Variants in AUTS2 observed in about 807,000 individuals in gnomAD.
AUTS2 encodes activator of transcription and developmental regulator AUTS2.
AUTS2 carries 17 observed loss-of-function variants against 112.4 expected under a neutral mutation model. The ratio of observed to expected loss-of-function variants is 0.15; its 90% CI spans 0.10 to 0.23. The LOEUF (loss-of-function observed/expected upper bound fraction) is 0.23, where lower values mean the gene tolerates loss of function less well. AUTS2 is among the 10% of genes least tolerant of loss of function. AUTS2 has a pLI of 1.00. For synonymous variants in AUTS2, 751 were observed against 702.7 expected (o/e 1.07, Z -1.09); for missense variants, 1,510 against 1,701.6 (o/e 0.89, Z 1.98).
At chr7:70,089,827 G>A (rs1803814644) in intron 2 of AUTS2, among the ~76,000 whole-genome samples, 1 of 151,706 alleles carries the variant, frequency 6.6e-6, no homozygotes, top group Non-Finnish European at 1.5e-5. Context: ...TGTCCAACAT[G>A]GCGAAACCCC....
chr7:70,678,069 G>A (rs374757229), intron 5 of AUTS2, among the ~76,000 whole-genome samples: 11 of 151,978 alleles, frequency 7.2e-5, no homozygotes, highest in South Asian at 4.2e-4. Flanking sequence ...GCGACAGAGC[G>A]AGATTCTGCC....
intron 5 of AUTS2, among the ~76,000 whole-genome samples, chr7:70,533,422 T>TA (rs1800178205): frequency 6.6e-6 from 1 of 152,118 alleles, no homozygotes; most frequent in African/African-American, 2.4e-5. Context: ...ACCAGCCTGT[T>TA]TTCTAATGGG....
At chr7:70,714,244 C>A (rs1810228569) in intron 6 of AUTS2, among the ~76,000 whole-genome samples, 1 of 152,040 alleles carries the variant, frequency 6.6e-6, no homozygotes, top group African/African-American at 2.4e-5. Flanking sequence ...AAATGAACCC[C>A]CATATATACC....
chr7:69,605,485 T>C (rs1792670630), intron 1 of AUTS2, among the ~76,000 whole-genome samples: 1 of 152,232 alleles, frequency 6.6e-6, no homozygotes, highest in African/African-American at 2.4e-5. Flanking sequence ...CCAATTCTGA[T>C]GCCACCAAGC....
At chr7:70,709,974 G>A (rs908303775) in intron 6 of AUTS2, among the ~76,000 whole-genome samples, 1 of 152,164 alleles carries the variant, frequency 6.6e-6, no homozygotes, top group Admixed American at 6.5e-5. Flanking sequence ...GAGTGGAAAA[G>A]ACAGTGGCTA....
chr7:70,636,986 A>G (rs556237233), intron 5 of AUTS2, among the ~76,000 whole-genome samples: 26 of 152,294 alleles, frequency 1.7e-4, no homozygotes, highest in South Asian at 4.2e-4. Context: ...GTAAGATGGC[A>G]TTGTTATGTT....
At chr7:70,467,296 A>G (rs1021973604) in intron 5 of AUTS2, among the ~76,000 whole-genome samples, 2 of 152,228 alleles carry the variant, frequency 1.3e-5, no homozygotes, top group East Asian at 3.9e-4. Context: ...TTTTATATTC[A>G]TAACTTTGTA....
intron 2 of AUTS2, among the ~76,000 whole-genome samples, chr7:69,999,234 G>A (rs1563026051): frequency 6.6e-6 from 1 of 152,076 alleles, no homozygotes; most frequent in African/African-American, 2.4e-5. Context: ...TTTCTTATCA[G>A]GAGTGTCTCA....
At chr7:69,759,060 A>G (rs1228164064) in intron 1 of AUTS2, among the ~76,000 whole-genome samples, 1 of 152,164 alleles carries the variant, frequency 6.6e-6, no homozygotes, top group African/African-American at 2.4e-5. Context: ...CTACCTGACA[A>G]CCCTACCAGA....
intron 4 of AUTS2, among the ~76,000 whole-genome samples, chr7:70,337,851 T>G (rs781065836): frequency 6.6e-6 from 1 of 152,262 alleles, no homozygotes; most frequent in Non-Finnish European, 1.5e-5. Flanking sequence ...GGCCTTGCTC[T>G]CTGCCTCAGT....
At chr7:70,003,248 T>C (rs950466213) in intron 2 of AUTS2, among the ~76,000 whole-genome samples, 1 of 126,560 alleles carries the variant, frequency 7.9e-6, no homozygotes, top group Non-Finnish European at 1.6e-5. Flanking sequence ...GAATATATTA[T>C]ATATGAATAT....
At chr7:69,758,302 C>T (rs1331330804) in intron 1 of AUTS2, among the ~76,000 whole-genome samples, 1 of 152,146 alleles carries the variant, frequency 6.6e-6, no homozygotes, top group African/African-American at 2.4e-5. Flanking sequence ...TGCTGCTGTT[C>T]ACAATAGATT....
At chr7:70,526,150 A>G (rs1251736500) in intron 5 of AUTS2, among the ~76,000 whole-genome samples, 4 of 152,222 alleles carry the variant, frequency 2.6e-5, no homozygotes, top group African/African-American at 9.6e-5. Flanking sequence ...GTCTCTTGAC[A>G]TGCTTTTTCT....
intron 4 of AUTS2, among the ~76,000 whole-genome samples, chr7:70,415,115 A>G (rs947613214): frequency 1.3e-5 from 2 of 152,182 alleles, no homozygotes; most frequent in African/African-American, 2.4e-5. Context: ...TAACCTGCCA[A>G]TTCTCAAAGA....
Position 70,301,009 on chromosome 7 carries a change from C to T in AUTS2, c.661-134743C>T, listed in dbSNP as rs1306275182. 2.6e-5 allele frequency among the ~76,000 whole-genome samples: 4 copies of T among 152,134 alleles called. No individual in the cohort carries two copies. In the South Asian group the frequency reaches 8.3e-4, roughly 32 times the overall value. On this transcript the variant is annotated intron_variant, in intron 4 of 18. Coordinates refer to ENST00000342771, the MANE Select transcript of AUTS2 (RefSeq NM_015570.4). Reference sequence around the variant, plus strand: ...GTCTTCTTCCTTCATTAAACTTGCCCTCTAAGACCTTTTAGCTGTTAGTTA... The same window carrying T: ...GTCTTCTTCCTTCATTAAACTTGCCTTCTAAGACCTTTTAGCTGTTAGTTA...
chr7:69,708,308 G>A (rs1488873019), intron 1 of AUTS2, among the ~76,000 whole-genome samples: 1 of 92,606 alleles, frequency 1.1e-5, no homozygotes, highest in African/African-American at 3.5e-5. Context: ...ACCTTTTTGA[G>A]TCTCTCTCTT....
At chr7:69,694,379 T>C (rs1048944894) in intron 1 of AUTS2, among the ~76,000 whole-genome samples, 1 of 152,218 alleles carries the variant, frequency 6.6e-6, no homozygotes, top group African/African-American at 2.4e-5. Flanking sequence ...CATCCTGTTA[T>C]AGCATCTGCA....
intron 2 of AUTS2, among the ~76,000 whole-genome samples, chr7:70,065,154 C>T (rs1216329001): frequency 6.6e-6 from 1 of 152,032 alleles, no homozygotes; most frequent in East Asian, 1.9e-4. Context: ...CTGTTCAATC[C>T]CACCACCTTC....
chr7:69,734,449 A>C (rs1232602174), intron 1 of AUTS2, among the ~76,000 whole-genome samples: 4 of 151,012 alleles, frequency 2.6e-5, no homozygotes, highest in African/African-American at 9.7e-5. Context: ...AAATAGATGA[A>C]ATTTCATTTT....
Sources: allele counts gnomAD v4.1 joint callset (sites outside exome capture counted in the v4.1 genomes callset), GRCh38; gene constraint gnomAD v4.1.1; transcripts MANE v1.5; gene names NCBI Gene and HGNC (gene_info 2026-07-23, HGNC 2026-07-21).